The following PLS1 variants were observed in gnomAD, a reference collection of about 807,000 sequenced individuals.
PLS1 encodes the protein plastin-1.
A neutral mutation model predicts 73.7 loss-of-function variants in PLS1; 32 were observed. That is an observed-to-expected ratio of 0.43 (90% confidence interval 0.33 to 0.58). The LOEUF (loss-of-function observed/expected upper bound fraction) is 0.58, where lower values mean the gene tolerates loss of function less well. Among genes scored for constraint, PLS1 ranks in the 20% least tolerant of loss-of-function variants. The pLI is 0.04. For missense variants in PLS1, 633 were observed against 740.5 expected, an observed-to-expected ratio of 0.85 and a Z score of 1.68; for synonymous variants, 217 against 261.3, an observed-to-expected ratio of 0.83 and a Z score of 1.63.
intron 1 of PLS1, among the ~76,000 whole-genome samples, chr3:142,606,277 C>T (rs563021519): frequency 2.0e-5 from 3 of 152,232 alleles, no homozygotes; most frequent in Non-Finnish European, 2.9e-5. Context: ...CTTCTTTATG[C>T]ACAGTTTTTT....
At chr3:142,632,274 G>A (rs1028657865) in intron 1 of PLS1, among the ~76,000 whole-genome samples, 2 of 152,116 alleles carry the variant, frequency 1.3e-5, no homozygotes. Context: ...AGTCAAAAGC[G>A]AGTTTTCTAT....
chr3:142,630,982 G>A (rs542611909), intron 1 of PLS1, among the ~76,000 whole-genome samples: 423 of 94,582 alleles, frequency 4.5e-3, no homozygotes, highest in Non-Finnish European at 4.8e-3. Context: ...CATAGAGGGA[G>A]AGTCAAATGA....
intron 2 of PLS1, among the ~76,000 whole-genome samples, chr3:142,667,149 G>A (rs898679856): frequency 2.6e-5 from 4 of 152,204 alleles, no homozygotes; most frequent in African/African-American, 9.7e-5. Flanking sequence ...GGGTGCGGTG[G>A]CTCACGCCTG....
intron 6 of PLS1, among the ~76,000 whole-genome samples, chr3:142,678,411 A>G (rs1196286393): frequency 2.2e-5 from 3 of 133,814 alleles, no homozygotes; most frequent in East Asian, 2.5e-4. Context: ...TCCTAAAGCT[A>G]TCCCTCCCCC....
In PLS1 at chr3:142,698,060, TGAA is replaced by T; in HGVS notation, c.1369_1371del (p.Lys457del). 6.5e-7 allele frequency: 1 copy of T among 1,531,724 alleles called. No homozygotes were observed. Among genetic ancestry groups the T allele is most frequent in the South Asian group, 1.1e-5 (1 of 89,312 alleles). The allele number at this position is 1,531,724 out of a possible 1,614,324, so 94.9% of individuals were successfully genotyped here. A position where few individuals can be genotyped will look rare whatever the true frequency, so the allele number is the denominator to read the frequency against. The stretch of plus-strand genomic sequence containing the variant: ...CCTTATCCTGCCCTTGGAGGGAACA[TGAA>T]GAAGGTGAATGAAATAATGGCCATG... On this transcript the variant is annotated inframe_deletion, in exon 12 of 16. Coordinates refer to ENST00000457734, the MANE Select transcript of PLS1 (RefSeq NM_001145319.2).
chr3:142,638,361 A>G (rs2036744638), intron 1 of PLS1, among the ~76,000 whole-genome samples: 1 of 152,174 alleles, frequency 6.6e-6, no homozygotes, highest in African/African-American at 2.4e-5. Context: ...TGAAGGCAAG[A>G]AAGGATAGGG....
At chr3:142,602,599 G>GC (rs201415087) in intron 1 of PLS1, among the ~76,000 whole-genome samples, 2,070 of 151,220 alleles carry the variant, frequency 0.014, 53 homozygotes, top group African/African-American at 0.046. Flanking sequence ...TAATTTAAAG[G>GC]CCCCCCCCAC....
At chr3:142,700,427 A>G (rs903876745) in intron 12 of PLS1, among the ~76,000 whole-genome samples, 12 of 151,940 alleles carry the variant, frequency 7.9e-5, no homozygotes, top group African/African-American at 2.9e-4. Flanking sequence ...GGTTCATGCC[A>G]TTCTCCTGCC....
At chr3:142,686,929 A>T (rs1210197088) in intron 9 of PLS1, among the ~76,000 whole-genome samples, 1 of 152,236 alleles carries the variant, frequency 6.6e-6, no homozygotes, top group African/African-American at 2.4e-5. Context: ...CAGGAAAGGA[A>T]GCAACAACCT....
chr3:142,708,004 CT>C (rs1321497672), intron 14 of PLS1, among the ~76,000 whole-genome samples: 1 of 152,108 alleles, frequency 6.6e-6, no homozygotes, highest in Admixed American at 6.5e-5. Flanking sequence ...TTCCCCATAT[CT>C]AAAATGGGGA....
chr3:142,661,496 A>C (rs2037368812), intron 1 of PLS1, among the ~76,000 whole-genome samples: 1 of 152,226 alleles, frequency 6.6e-6, no homozygotes, highest in Admixed American at 6.5e-5. Flanking sequence ...AAAATTCCTG[A>C]ATAAATTTGT....
At position 142,628,639 on chromosome 3, in the gene PLS1, A is replaced by G. The variant is rs544330621; in HGVS notation, c.-37+32130A>G. Among the ~76,000 whole-genome samples the G allele has an allele frequency of 3.3e-5, 5 of 152,334 alleles. No homozygotes were observed. The East Asian group carries it at 7.7e-4, about 23-fold the overall frequency. On this transcript the variant is annotated intron_variant, in intron 1 of 15. Transcript: ENST00000457734. ...CTTGATAATGGCACCTGTTACTTAT[A>G]ATATCATGGTGGTCTTCCTTAGTCT... is the stretch of plus-strand genomic sequence containing the variant.
At chr3:142,608,213 T>G (rs2036058262) in intron 1 of PLS1, among the ~76,000 whole-genome samples, 1 of 152,166 alleles carries the variant, frequency 6.6e-6, no homozygotes, top group African/African-American at 2.4e-5. Flanking sequence ...ACATTTAACT[T>G]AAGATATGTT....
In PLS1 at chr3:142,665,490, G is replaced by C. The variant is rs927789865; in HGVS notation, c.70+1183G>C. ...AGAAAACAATCATACATTTTATAGA[G>C]AATTGTATGTAGTGTCCAGAATCTT... On this transcript the variant is annotated intron_variant, in intron 2 of 15. Transcript: ENST00000457734. Among the ~76,000 whole-genome samples the C allele has an allele frequency of 5.3e-5, 8 of 152,248 alleles. No individual in the cohort carries two copies. In the East Asian group the frequency reaches 1.3e-3, roughly 26 times the overall value.
intron 3 of PLS1, among the ~76,000 whole-genome samples, chr3:142,670,031 T>C (rs1560060065): frequency 6.7e-6 from 1 of 150,202 alleles, no homozygotes; most frequent in African/African-American, 2.5e-5. Context: ...ATTGCACAAA[T>C]TGATAAAAGA....
chr3:142,678,154 G>T, intron 6 of PLS1, 41 bp downstream of exon 6: 1 of 955,628 alleles, frequency 1.0e-6, no homozygotes, highest in Non-Finnish European at 1.6e-6. Flanking sequence ...TTACTATGCT[G>T]AGAAATATAA....
rs1025503403 is a variant in PLS1, at chr3:142,689,797, T to C, written c.1161T>C (p.Asp387=). 1.6e-5 allele frequency: 25 copies of C among 1,587,338 alleles called. No individual in the cohort carries two copies. The African/African-American group carries it at 2.9e-4, about 18-fold the overall frequency. ...CLHKPNNNDI[D]MNLLEGESKE... Reference sequence around the variant, plus strand: ...ACAAGCCGAATAATAATGACATCGATATGAATTTACTGGAAGGTGCGTTCT... The same window carrying C: ...ACAAGCCGAATAATAATGACATCGACATGAATTTACTGGAAGGTGCGTTCT... The change falls in exon 10 of 16, where the codon GAT becomes GAC. Residue 387 remains aspartate, a synonymous_variant. Transcript: ENST00000457734.
intron 1 of PLS1, among the ~76,000 whole-genome samples, chr3:142,641,020 G>T (rs897388347): frequency 3.3e-5 from 5 of 151,658 alleles, no homozygotes; most frequent in African/African-American, 1.2e-4. Flanking sequence ...CATTTAGCCA[G>T]GTATGGTAGT....
chr3:142,625,560 CA>C (rs1040849692), intron 1 of PLS1, among the ~76,000 whole-genome samples: 2 of 152,146 alleles, frequency 1.3e-5, no homozygotes, highest in African/African-American at 4.8e-5. Flanking sequence ...TTTAGCTCAT[CA>C]GTAACAACAT....
Sources: allele counts gnomAD v4.1 joint callset (sites outside exome capture counted in the v4.1 genomes callset), GRCh38; gene constraint gnomAD v4.1.1; transcripts MANE v1.5; gene names NCBI Gene and HGNC (gene_info 2026-07-23, HGNC 2026-07-21).